The following FNDC3A variants were observed in gnomAD, a reference collection of about 807,000 sequenced individuals.
FNDC3A encodes fibronectin type III domain containing 3A.
Under a neutral mutation model 148.9 loss-of-function variants are expected in FNDC3A, and 32 were observed. The observed-to-expected ratio is 0.21, with a 90% confidence interval of 0.16 to 0.29. The LOEUF (loss-of-function observed/expected upper bound fraction) is 0.29. Among genes scored for constraint, FNDC3A ranks in the 10% least tolerant of loss-of-function variants. The pLI, the probability that FNDC3A is intolerant of heterozygous loss-of-function variation, is 1.00. For synonymous variants in FNDC3A, 472 were observed against 473.6 expected (o/e 1.00, Z 0.04); for missense variants, 1,191 against 1,452.8 (o/e 0.82, Z 2.93).
chr13:49,007,783 G>A (rs942950273), intron 2 of FNDC3A, among the ~76,000 whole-genome samples: 3 of 152,264 alleles, frequency 2.0e-5, no homozygotes, highest in South Asian at 2.1e-4. Flanking sequence ...ATTTAAAGGA[G>A]CAGGTGGAGT....
chr13:48,983,381 A>G (rs1219122937), intron 1 of FNDC3A, among the ~76,000 whole-genome samples: 2 of 152,222 alleles, frequency 1.3e-5, no homozygotes, highest in Non-Finnish European at 2.9e-5. Context: ...TTTGACCAGT[A>G]CTACTGGAGT....
chr13:49,120,484 A>G (rs373582017), intron 4 of FNDC3A, among the ~76,000 whole-genome samples: 3 of 152,218 alleles, frequency 2.0e-5, no homozygotes, highest in African/African-American at 2.4e-5. Flanking sequence ...GAATTCACAC[A>G]TAACAGTATT....
intron 7 of FNDC3A, 152 bp from the exon 8 acceptor site, chr13:49,145,626 T>G: frequency 3.2e-6 from 2 of 625,390 alleles, no homozygotes; most frequent in African/African-American, 1.9e-5. Flanking sequence ...CCACAACAAA[T>G]TATTTGCAAT....
intron 3 of FNDC3A, chr13:49,110,468 C>G: frequency 9.1e-7 from 1 of 1,097,044 alleles, no homozygotes; most frequent in Non-Finnish European, 1.4e-6. Context: ...TTGTATTAAT[C>G]TAAAGTCATG....
intron 3 of FNDC3A, among the ~76,000 whole-genome samples, chr13:49,082,243 G>A (rs998075272): frequency 6.6e-6 from 1 of 151,932 alleles, no homozygotes; most frequent in African/African-American, 2.4e-5. Context: ...AAAATTAGCT[G>A]GATGTGGTGG....
At chr13:49,040,690 T>C (rs1296726756) in intron 2 of FNDC3A, among the ~76,000 whole-genome samples, 1 of 152,206 alleles carries the variant, frequency 6.6e-6, no homozygotes, top group East Asian at 1.9e-4. Flanking sequence ...TTTTTAAAAG[T>C]CTAATAAAGT....
intron 1 of FNDC3A, among the ~76,000 whole-genome samples, chr13:49,000,424 A>G (rs941780641): frequency 6.6e-6 from 1 of 152,050 alleles, no homozygotes; most frequent in Non-Finnish European, 1.5e-5. Context: ...TCTCTATTCT[A>G]TTTCACTAGT....
At chr13:49,174,916 A>G (rs1201444520) in intron 12 of FNDC3A, among the ~76,000 whole-genome samples, 2 of 152,224 alleles carry the variant, frequency 1.3e-5, no homozygotes, top group South Asian at 2.1e-4. Context: ...AAGGCCAAGT[A>G]TCTTTCAAGA....
intron 11 of FNDC3A, among the ~76,000 whole-genome samples, chr13:49,173,884 C>T (rs910522312): frequency 9.2e-5 from 14 of 152,146 alleles, no homozygotes; most frequent in African/African-American, 2.4e-4. Flanking sequence ...TTTAGTTGTC[C>T]TCTTTTCTCT....
intron 3 of FNDC3A, among the ~76,000 whole-genome samples, chr13:49,094,722 A>G (rs892114697): frequency 3.3e-5 from 5 of 152,094 alleles, no homozygotes; most frequent in Non-Finnish European, 2.9e-5. Flanking sequence ...AAAAGGCACT[A>G]TGGAAGCATA....
At chr13:49,017,707 T>G (rs550025467) in intron 2 of FNDC3A, among the ~76,000 whole-genome samples, 35 of 152,308 alleles carry the variant, frequency 2.3e-4, no homozygotes, top group Admixed American at 2.2e-3. Context: ...CGATGGTCTT[T>G]ACATTTTGGC....
intron 2 of FNDC3A, among the ~76,000 whole-genome samples, chr13:49,043,115 C>G (rs1201719321): frequency 1.3e-5 from 2 of 150,752 alleles, no homozygotes; most frequent in Non-Finnish European, 2.9e-5. Flanking sequence ...GCCACCACAC[C>G]CAGCCAGTTT....
intron 4 of FNDC3A, among the ~76,000 whole-genome samples, chr13:49,123,594 C>T (rs1337296466): frequency 3.3e-5 from 5 of 151,746 alleles, no homozygotes; most frequent in African/African-American, 7.3e-5. Flanking sequence ...TTTTTTCAAT[C>T]TATCCATCTG....
At chr13:49,024,691 T>TA (rs906783748) in intron 2 of FNDC3A, among the ~76,000 whole-genome samples, 29 of 151,038 alleles carry the variant, frequency 1.9e-4, no homozygotes, top group Admixed American at 1.5e-3. Context: ...TTCATGATTT[T>TA]AAAAAAAAAC....
chr13:49,191,725 A>G (rs183014996), intron 19 of FNDC3A, among the ~76,000 whole-genome samples: 105 of 152,164 alleles, frequency 6.9e-4, no homozygotes, highest in African/African-American at 2.2e-3. Context: ...AGGCTGATTG[A>G]AGTTTTTGAG....
At chr13:49,033,638 G>GA (rs562254366) in intron 2 of FNDC3A, among the ~76,000 whole-genome samples, 1 of 151,606 alleles carries the variant, frequency 6.6e-6, no homozygotes, top group Non-Finnish European at 1.5e-5. Flanking sequence ...GCAGTTGAAT[G>GA]AAAAAAAATC....
Position 49,168,696 on chromosome 13 carries a change from C to G in FNDC3A, c.1121C>G (p.Pro374Arg). 6.2e-7 allele frequency: 1 copy of G among 1,613,070 alleles called. No homozygotes were observed. The highest frequency in any genetic ancestry group is 8.5e-7 in the Non-Finnish European group (1 of 1,179,166). The change falls in exon 10 of 26, where the codon CCT (proline) becomes CGT (arginine). Residue 374 changes from proline to arginine, a missense_variant. This residue lies in a region of FNDC3A where 426 missense variants were observed against 473.2 expected (regional missense o/e 0.90). Coordinates refer to ENST00000492622, the MANE Select transcript of FNDC3A (RefSeq NM_001079673.2). ...ACCTTGAGCTGTGAACCTGATATAC[C>G]TAATCCACCAAGGATAGCCAATCGG... is the stretch of plus-strand genomic sequence containing the variant. ...FTTLSCEPDI[P>R]NPPRIANRTK... is the part of the protein sequence containing the mutation.
intron 3 of FNDC3A, among the ~76,000 whole-genome samples, chr13:49,113,181 A>C: frequency 1.5e-5 from 2 of 135,534 alleles, no homozygotes; most frequent in African/African-American, 5.6e-5. Context: ...CCCCTTTCTT[A>C]TCCCTCCCTT....
chr13:49,172,235 G>T lies in FNDC3A; in HGVS notation c.1230+139G>T, dbSNP rs144011047. 6.7e-4 allele frequency: 327 copies of T among 488,596 alleles called. 1 individual carries two copies. The highest frequency in any genetic ancestry group is 5.2e-3 in the African/African-American group (256 of 49,648). 30.3% of individuals were successfully genotyped at this position (488,596 alleles called of 1,614,324 possible). A position where few individuals can be genotyped will look rare whatever the true frequency, so the allele number is the denominator to read the frequency against. ...AATGATTTTGTGTGGTGCATGAGTG[G>T]ATTGATGGTGTTTTCAGAAAACATT... On this transcript the variant is annotated intron_variant, in intron 11 of 25. Coordinates refer to ENST00000492622, the MANE Select transcript of FNDC3A (RefSeq NM_001079673.2).
Sources: gnomAD v4.1 joint callset for allele counts (sites outside exome capture counted in the v4.1 genomes callset) on GRCh38, gnomAD v4.1.1 for gene constraint, gnomAD v4.1.1 regional missense constraint, MANE v1.5 for transcripts, NCBI Gene and HGNC (gene_info 2026-07-23, HGNC 2026-07-21) for gene names.